CLPTM1: variants seen among roughly 807,000 people sequenced by gnomAD.
CLPTM1 encodes CLPTM1 regulator of GABA type A receptor forward trafficking, also known as putative lipid scramblase CLPTM1.
CLPTM1 carries 21 observed loss-of-function variants against 77.3 expected under a neutral mutation model. The ratio of observed to expected loss-of-function variants is 0.27; its 90% CI spans 0.19 to 0.39. The LOEUF is 0.39. Among genes scored for constraint, CLPTM1 ranks in the 10% least tolerant of loss-of-function variants. CLPTM1 has a pLI of 1.00. For missense variants in CLPTM1, 642 were observed against 921.2 expected (o/e 0.70, Z 3.92); for synonymous variants, 373 against 381.0 (o/e 0.98, Z 0.24).
chr19:44,966,332 A>G (rs1473293374), intron 2 of CLPTM1, among the ~76,000 whole-genome samples: 1 of 152,104 alleles, frequency 6.6e-6, no homozygotes, highest in Non-Finnish European at 1.5e-5. Context: ...GATGGCGTGA[A>G]CCTAGGAGGC....
Position 44,970,047 on chromosome 19 carries a change from T to G in CLPTM1, c.186-3040T>G, listed in dbSNP as rs555232755. Among the ~76,000 whole-genome samples, 29 of 147,862 alleles carry G rather than the reference T, an allele frequency of 2.0e-4. 2 individuals carry two copies. Among genetic ancestry groups the G allele is most frequent in the African/African-American group, 7.6e-4 (29 of 38,050 alleles). On this transcript the variant is annotated intron_variant, in intron 2 of 13. Transcript: ENST00000337392. Reference sequence around the variant, plus strand: ...AATGTCGTTTCCTTTTGTGCCTGGCTTATCTCTGTCTGTGTCCTAGTCATT... The same window carrying G: ...AATGTCGTTTCCTTTTGTGCCTGGCGTATCTCTGTCTGTGTCCTAGTCATT...
intron 2 of CLPTM1, 96 bp from the exon 3 acceptor site, chr19:44,972,991 A>C: frequency 3.3e-6 from 5 of 1,509,478 alleles, no homozygotes; most frequent in Non-Finnish European, 4.5e-6. Flanking sequence ...GCCCCAGGTC[A>C]GGCGCCAGCA....
At chr19:44,974,636 G>C (rs1219966502) in intron 4 of CLPTM1, 39 bp downstream of exon 4, 2 of 1,527,840 alleles carry the variant, frequency 1.3e-6, no homozygotes, top group Non-Finnish European at 1.7e-6. Context: ...ATGGCTGCTT[G>C]ACTGGCACTG....
chr19:44,955,521 C>T, intron 1 of CLPTM1, 54 bp downstream of exon 1: 2 of 1,256,702 alleles, frequency 1.6e-6, no homozygotes, highest in South Asian at 6.7e-5. Flanking sequence ...GGGGGCCTCC[C>T]ACGGGGCGTG....
chr19:44,988,902 G>A (rs77380569), intron 9 of CLPTM1, among the ~76,000 whole-genome samples: 1,565 of 152,316 alleles, frequency 0.01, 22 homozygotes, highest in South Asian at 0.054. Context: ...GCTATTGCCG[G>A]CCTGGTGGTG....
rs370948491 is a variant in CLPTM1 at position 44,991,086 on chromosome 19, C to A, written c.1419+141C>A. On this transcript the variant is annotated intron_variant, in intron 11 of 13. Coordinates refer to ENST00000337392, the MANE Select transcript of CLPTM1 (RefSeq NM_001294.4). The surrounding 1 kb of genome is among the most constrained non-coding windows in gnomAD (Gnocchi z 5.4). ...CCTCTGTGTCCCCCATCTGCCATAA[C>A]TGCTTCCCTGGGCGAGTCCGGAGTC... The A allele has an allele frequency of 1.1e-3, 1,410 of 1,240,188 alleles. 18 individuals carry two copies. In the African/African-American group the frequency reaches 0.039, roughly 34 times the overall value. 76.8% of individuals were successfully genotyped at this position (1,240,188 alleles called of 1,614,324 possible). A position where few individuals can be genotyped will look rare whatever the true frequency, so the allele number is the denominator to read the frequency against.
intron 5 of CLPTM1, among the ~76,000 whole-genome samples, chr19:44,980,458 G>A (rs112065210): frequency 6.8e-6 from 1 of 147,228 alleles, no homozygotes; most frequent in East Asian, 2.0e-4. Context: ...GCAGTGAGCC[G>A]AGATCGTGCC....
rs2122284484 is a variant in CLPTM1 at position 44,974,607 on chromosome 19, G to C, written c.468+10G>C. 6.2e-7 allele frequency: 1 copy of C among 1,611,162 alleles called. No individual in the cohort carries two copies. The highest frequency in any genetic ancestry group is 2.2e-5 in the East Asian group (1 of 44,730). ...GCTCGATATCCCACAGGTGGGGGCA[G>C]CTCTCGGTTTCTGGCCCCATGGCTG... On this transcript the variant is annotated intron_variant, in intron 4 of 13. Coordinates refer to ENST00000337392, the MANE Select transcript of CLPTM1 (RefSeq NM_001294.4).
intron 3 of CLPTM1, among the ~76,000 whole-genome samples, chr19:44,973,761 G>GTT (rs71173113): frequency 3.2e-5 from 2 of 62,444 alleles, no homozygotes; most frequent in East Asian, 3.7e-4. Context: ...GTCACAGTGG[G>GTT]TTTTTTTTTT....
At chr19:44,972,956 C>A in intron 2 of CLPTM1, 131 bp from the exon 3 acceptor site, 1 of 1,290,210 alleles carries the variant, frequency 7.8e-7, no homozygotes, top group Non-Finnish European at 1.1e-6. Flanking sequence ...ACTACCTTCT[C>A]AGGGCCTCCC....
At chr19:44,956,003 A>G (rs1354913306) in intron 1 of CLPTM1, among the ~76,000 whole-genome samples, 1 of 152,206 alleles carries the variant, frequency 6.6e-6, no homozygotes, top group Non-Finnish European at 1.5e-5. Context: ...TGTAGAAGTT[A>G]CAAGACACTG....
Position 44,974,428 on chromosome 19 carries a change from T to C in CLPTM1, c.310-11T>C. On this transcript the variant is annotated splice_polypyrimidine_tract_variant and intron_variant, in intron 3 of 13. Coordinates refer to ENST00000337392, the MANE Select transcript of CLPTM1 (RefSeq NM_001294.4). ...GCAGGCCTGAGCTCTGTTCCCTTCC[T>C]GTCCCAACAGAACCTGCATGTGTAC... The C allele has an allele frequency of 1.2e-6, 2 of 1,608,586 alleles. No homozygotes were observed. Among genetic ancestry groups the C allele is most frequent in the Non-Finnish European group, 1.7e-6 (2 of 1,175,604 alleles).
At chr19:44,963,881 G>A (rs2122245036) in intron 2 of CLPTM1, among the ~76,000 whole-genome samples, 1 of 151,810 alleles carries the variant, frequency 6.6e-6, no homozygotes, top group Non-Finnish European at 1.5e-5. Flanking sequence ...GCCTCCCAAA[G>A]TGTTGGGATT....
At position 44,991,211 on chromosome 19, in the gene CLPTM1, T is replaced by A; in HGVS notation, c.1420-27T>A. 6.2e-7 allele frequency: 1 copy of A among 1,612,848 alleles called. No homozygotes were observed. Among genetic ancestry groups the A allele is most frequent in the Non-Finnish European group, 8.5e-7 (1 of 1,179,244 alleles). On this transcript the variant is annotated intron_variant, in intron 11 of 13. Coordinates refer to ENST00000337392, the MANE Select transcript of CLPTM1 (RefSeq NM_001294.4). This position sits in a 1 kb window ranked among gnomAD's most constrained non-coding sequence, Gnocchi z 5.4. ...TGCCAGGCAGGGCTGAGGAGCTGGC[T>A]GACAGCCCCACCCTGTGGCCCCACA...
In CLPTM1 at chr19:44,991,157, G is replaced by T; in HGVS notation, c.1420-81G>T. On this transcript the variant is annotated intron_variant, in intron 11 of 13. Coordinates refer to ENST00000337392, the MANE Select transcript of CLPTM1 (RefSeq NM_001294.4). This position sits in a 1 kb window ranked among gnomAD's most constrained non-coding sequence, Gnocchi z 5.4. ...CCCCCTGCCCGGCCTGCCAGACCAG[G>T]TGTGGTGGGTGAGGGCGGGGAGCAG... 6 of 1,593,554 alleles carry T rather than the reference G, an allele frequency of 3.8e-6. No individual in the cohort carries two copies. In the South Asian group the frequency reaches 5.6e-5, roughly 15 times the overall value.
In CLPTM1 at chr19:44,990,181, G is replaced by A. The variant is rs567294358; in HGVS notation, c.1133-214G>A. The A allele has an allele frequency of 3.5e-6, 2 of 572,230 alleles. No individual in the cohort carries two copies. The highest frequency in any genetic ancestry group is 2.3e-5 in the South Asian group (1 of 43,374). The allele number at this position is 572,230 out of a possible 1,614,324, so 35.4% of individuals were successfully genotyped here. On this transcript the variant is annotated intron_variant, in intron 9 of 13. Coordinates refer to ENST00000337392, the MANE Select transcript of CLPTM1 (RefSeq NM_001294.4). The surrounding 1 kb of genome is among the most constrained non-coding windows in gnomAD (Gnocchi z 4.8). ...GGTGCTGGGTGCTGACGTCCTATGGGAGGGCTCCAGGGGTGCCGCCTGTCT... is the reference window on the plus strand; with the variant it reads ...GGTGCTGGGTGCTGACGTCCTATGGAAGGGCTCCAGGGGTGCCGCCTGTCT...
chr19:44,955,749 C>T (rs933836945), intron 1 of CLPTM1: 7 of 349,394 alleles, frequency 2.0e-5, no homozygotes, highest in Admixed American at 9.5e-5. Context: ...CAGGCTTGTA[C>T]CTTGGCGCGC....
chr19:44,985,370 A>T, intron 6 of CLPTM1, 67 bp downstream of exon 6: 1 of 1,096,992 alleles, frequency 9.1e-7, no homozygotes, highest in Non-Finnish European at 1.4e-6. Context: ...ATCCCAGACC[A>T]CTGGGGCTGT....
intron 5 of CLPTM1, among the ~76,000 whole-genome samples, chr19:44,983,021 AC>A (rs1331487478): frequency 1.3e-5 from 2 of 151,606 alleles, no homozygotes; most frequent in African/African-American, 4.8e-5. Context: ...AAGTCATGCC[AC>A]TGCTCTCTAG....
Sources: gnomAD v4.1 joint callset for allele counts (sites outside exome capture counted in the v4.1 genomes callset) on GRCh38, gnomAD v4.1.1 for gene constraint, Gnocchi (gnomAD v3.1) non-coding constraint, MANE v1.5 for transcripts, NCBI Gene and HGNC (gene_info 2026-07-23, HGNC 2026-07-21) for gene names.